Variants in DNAH11 observed in about 807,000 individuals in gnomAD.
DNAH11 encodes axonemal beta dynein heavy chain 11.
In DNAH11, 442 loss-of-function variants were observed where a neutral mutation model predicts 526.0. That is an observed-to-expected ratio of 0.84 (90% CI 0.78 to 0.91). The LOEUF (loss-of-function observed/expected upper bound fraction) is 0.91. DNAH11 is among the 40% of genes least tolerant of loss of function. The pLI is 0.00. For missense variants in DNAH11, 6,989 were observed against 5,448.7 expected (o/e 1.28, Z -8.90); for synonymous variants, 2,461 against 1,935.9 (o/e 1.27, Z -7.12).
intron 65 of DNAH11, among the ~76,000 whole-genome samples, chr7:21,825,280 G>A (rs112049585): frequency 1.3e-3 from 203 of 152,292 alleles, no homozygotes; most frequent in African/African-American, 4.7e-3. Flanking sequence ...GAGTGATGCT[G>A]CTATGAATAT....
intron 27 of DNAH11, among the ~76,000 whole-genome samples, chr7:21,638,154 A>G (rs17747067): frequency 0.011 from 1,679 of 152,308 alleles, 26 homozygotes; most frequent in Non-Finnish European, 0.019. Flanking sequence ...AGTAATTTTC[A>G]CATTTAATTC....
intron 81 of DNAH11, among the ~76,000 whole-genome samples, 199 bp downstream of exon 81, chr7:21,900,319 A>G (rs1209217836): frequency 9.1e-6 from 1 of 109,344 alleles, no homozygotes; most frequent in Non-Finnish European, 2.3e-5. Context: ...ATTTGGGGTG[A>G]TGGCTATCAC....
chr7:21,846,129 G>A (rs959551944), intron 66 of DNAH11, among the ~76,000 whole-genome samples: 4 of 152,114 alleles, frequency 2.6e-5, no homozygotes, highest in Non-Finnish European at 4.4e-5. Flanking sequence ...GAGGCCTTAC[G>A]TTCATACTTT....
intron 8 of DNAH11, among the ~76,000 whole-genome samples, chr7:21,577,846 C>T (rs1340250118): frequency 6.6e-6 from 1 of 152,138 alleles, no homozygotes. Context: ...AAAAGACAAT[C>T]AGTAGATGCC....
chr7:21,716,432 T>G (rs775208692), intron 42 of DNAH11, among the ~76,000 whole-genome samples: 16 of 152,156 alleles, frequency 1.1e-4, no homozygotes, highest in South Asian at 4.1e-4. Context: ...ATTATTACCC[T>G]CTCCATTTAC....
chr7:21,607,032 G>A (rs911718292), intron 20 of DNAH11, among the ~76,000 whole-genome samples: 2 of 152,156 alleles, frequency 1.3e-5, no homozygotes, highest in South Asian at 4.1e-4. Flanking sequence ...ACAAGGCGAA[G>A]TCCCACAGTA....
At chr7:21,676,084 T>C (rs903631593) in intron 30 of DNAH11, among the ~76,000 whole-genome samples, 1 of 151,836 alleles carries the variant, frequency 6.6e-6, no homozygotes, top group Non-Finnish European at 1.5e-5. Context: ...TGAAGTGAGA[T>C]AGGAAAGGAG....
chr7:21,620,336 C>T (rs1359300213), intron 25 of DNAH11, among the ~76,000 whole-genome samples: 1 of 152,002 alleles, frequency 6.6e-6, no homozygotes, highest in African/African-American at 2.4e-5. Context: ...AAGCTTATTC[C>T]TCCTGTCTAA....
chr7:21,643,891 T>C (rs191446335), intron 28 of DNAH11, among the ~76,000 whole-genome samples: 3 of 152,304 alleles, frequency 2.0e-5, no homozygotes, highest in Admixed American at 2.0e-4. Context: ...TAAATATACA[T>C]TAAAATTAAT....
rs966907044 is a variant in DNAH11, at chr7:21,543,547, G to A, written c.302G>A (p.Cys101Tyr). The change falls in exon 1 of 82, where the codon TGC becomes TAC. Residue 101 changes from cysteine (C) to tyrosine (Y), a missense_variant. Physicochemically the swap from Cys to Tyr is radical, Grantham distance 194. Coordinates refer to ENST00000409508, the MANE Select transcript of DNAH11 (RefSeq NM_001277115.2). ...TTTCTGGAAAGCACCAGCCCGGCTT[G>A]CCTTGTGTTTAGCTTCGCCGCCTCG... ...GEFLESTSPA[C>Y]LVFSFAASGR... 6.2e-7 allele frequency: 1 copy of A among 1,609,016 alleles called. No homozygotes were observed. Among genetic ancestry groups the A allele is most frequent in the Non-Finnish European group, 8.5e-7 (1 of 1,177,672 alleles).
At position 21,901,077 on chromosome 7, in the gene DNAH11, G is replaced by T. The variant is rs201444942; in HGVS notation, c.13374G>T (p.Pro4458=). 9 of 1,613,806 alleles carry T rather than the reference G, an allele frequency of 5.6e-6. No homozygotes were observed. Among genetic ancestry groups the T allele is most frequent in the Admixed American group, 5.0e-5 (3 of 59,994 alleles). The change falls in exon 82 of 82, where the codon CCG becomes CCT. Residue 4458 remains proline, a synonymous_variant. Transcript: ENST00000409508. ...ARLKELACPM[P]VIFAKATPVD... is the part of the protein sequence containing the mutation. Reference sequence around the variant, plus strand: ...TCAAGGAGCTGGCATGCCCTATGCCGGTCATCTTTGCAAAAGCCACCCCCG... The same window carrying T: ...TCAAGGAGCTGGCATGCCCTATGCCTGTCATCTTTGCAAAAGCCACCCCCG...
At chr7:21,604,142 A>G (rs1374369551) in intron 18 of DNAH11, among the ~76,000 whole-genome samples, 2 of 152,282 alleles carry the variant, frequency 1.3e-5, no homozygotes, top group African/African-American at 2.4e-5. Context: ...ATACTTGTCT[A>G]TGCTTAGTTC....
At chr7:21,561,483 A>G (rs74485637) in intron 5 of DNAH11, 174 of 222,402 alleles carry the variant, frequency 7.8e-4, no homozygotes, top group African/African-American at 3.7e-3. Context: ...AGGTTTTCCA[A>G]TCAACAGATT....
intron 35 of DNAH11, among the ~76,000 whole-genome samples, chr7:21,695,129 G>T (rs562359372): frequency 6.6e-6 from 1 of 152,230 alleles, no homozygotes; most frequent in Admixed American, 6.5e-5. Flanking sequence ...CCATGCTCAT[G>T]GATGGGAAAA....
intron 44 of DNAH11, among the ~76,000 whole-genome samples, chr7:21,722,081 A>C (rs1399450616): frequency 6.6e-6 from 1 of 152,222 alleles, no homozygotes; most frequent in Non-Finnish European, 1.5e-5. Context: ...ACCAAAGTGC[A>C]AAGTGGGAAT....
chr7:21,888,944 G>A (rs1248296156), intron 76 of DNAH11, among the ~76,000 whole-genome samples: 4 of 151,768 alleles, frequency 2.6e-5, no homozygotes, highest in African/African-American at 9.7e-5. Flanking sequence ...ACAACTCAAA[G>A]GTCTTTAGTA....
intron 68 of DNAH11, among the ~76,000 whole-genome samples, chr7:21,856,376 T>G (rs1782850094): frequency 6.6e-6 from 1 of 152,158 alleles, no homozygotes; most frequent in Non-Finnish European, 1.5e-5. Flanking sequence ...CTAGCAGGTT[T>G]CCTAACAGTA....
Position 21,658,801 on chromosome 7 carries a change from G to A in DNAH11, c.5098G>A (p.Glu1700Lys), listed in dbSNP as rs1255328874. The A allele has an allele frequency of 6.4e-7, 1 of 1,572,166 alleles. No individual in the cohort carries two copies. The highest frequency in any genetic ancestry group is 8.6e-7 in the Non-Finnish European group (1 of 1,158,280). Residue 1700 changes from glutamate to lysine, a missense_variant, in exon 30 of 82, where the codon GAA becomes AAA. Transcript: ENST00000409508. ...ACATTTCAACTTGCTTCCAAAGGTGGAAACATGGCTTCTGCAACTTGAACA... is the reference window on the plus strand; with the variant it reads ...ACATTTCAACTTGCTTCCAAAGGTGAAAACATGGCTTCTGCAACTTGAACA... ...QAECECVGHV[E>K]TWLLQLEQTM... is the part of the protein sequence containing the mutation.
At chr7:21,738,655 A>T in intron 46 of DNAH11, 46 bp from the exon 47 acceptor site, 2 of 1,499,078 alleles carry the variant, frequency 1.3e-6, no homozygotes, top group Non-Finnish European at 1.8e-6. Flanking sequence ...CTAAATGAAC[A>T]TTTACATTCT....
Sources: gnomAD v4.1 joint callset for allele counts (sites outside exome capture counted in the v4.1 genomes callset) on GRCh38, gnomAD v4.1.1 for gene constraint, MANE v1.5 for transcripts, NCBI Gene and HGNC (gene_info 2026-07-23, HGNC 2026-07-21) for gene names.